The following SLC3A1 variants were observed in gnomAD, a reference collection of about 807,000 sequenced individuals.
SLC3A1 encodes the protein amino acid transporter heavy chain SLC3A1.
Under a neutral mutation model 60.3 loss-of-function variants are expected in SLC3A1, and 78 were observed. The observed-to-expected ratio is 1.29, with a 90% CI of 1.08 to 1.56. SLC3A1 has a LOEUF of 1.56. Ranked by LOEUF, SLC3A1 falls within the 40% of genes most tolerant of loss-of-function variation. SLC3A1 has a pLI of 0.00. For missense variants in SLC3A1, 1,172 were observed against 858.9 expected (o/e 1.36, Z -4.56); for synonymous variants, 392 against 307.9 (o/e 1.27, Z -2.86).
Position 44,304,321 on chromosome 2 carries a change from A to G in SLC3A1, c.1315A>G (p.Lys439Glu). ...TSWMENMPEG[K>E]WPNWMIGGPD... ...CTGGATGGAAAACATGCCAGAAGGA[A>G]AATGGCCTAACTGGATGGTAAGTCC... The change falls in exon 7 of 10, where the codon AAA becomes GAA. Residue 439 changes from lysine (K) to glutamate (E), a missense_variant. By Grantham distance (56) the Lys-to-Glu change is moderately conservative. Transcript: ENST00000260649. The G allele has an allele frequency of 6.2e-7, 1 of 1,614,020 alleles. No individual in the cohort carries two copies.
Position 44,321,441 on chromosome 2 carries a change from G to T in SLC3A1, c.*802G>T. ...CTCGTACAGGAATTTAATTTGGGCT[G>T]TAATCTAAAAGAAACACATTAAAAA... On this transcript the variant is annotated 3_prime_UTR_variant, in exon 10 of 10. Coordinates refer to ENST00000260649, the MANE Select transcript of SLC3A1 (RefSeq NM_000341.4). 1 of 1,611,816 alleles carries T rather than the reference G, an allele frequency of 6.2e-7. No homozygotes were observed. The highest frequency in any genetic ancestry group is 8.5e-7 in the Non-Finnish European group (1 of 1,178,294).
intron 4 of SLC3A1, among the ~76,000 whole-genome samples, chr2:44,288,129 G>GCGATT (rs1445119873): frequency 5.9e-5 from 9 of 151,692 alleles, no homozygotes. Context: ...CCAGGTTCAA[G>GCGATT]CGATTCTCCT....
chr2:44,299,831 AAT>A (rs1296562748), intron 4 of SLC3A1, 138 bp from the exon 5 acceptor site: 2 of 897,690 alleles, frequency 2.2e-6, no homozygotes. Context: ...AATAGATAAA[AAT>A]AGACTGTGAA....
chr2:44,315,905 C>G (rs987741221), intron 9 of SLC3A1, among the ~76,000 whole-genome samples: 1 of 152,192 alleles, frequency 6.6e-6, no homozygotes, highest in African/African-American at 2.4e-5. Context: ...AGACCTAACT[C>G]TAGCACTGTC....
In SLC3A1 at chr2:44,304,266, TGGGAA is replaced by T; in HGVS notation, c.1261_1265del (p.Gly421GlnfsTer4). 6.2e-7 allele frequency: 1 copy of T among 1,614,186 alleles called. No homozygotes were observed. The highest frequency in any genetic ancestry group is 8.5e-7 in the Non-Finnish European group (1 of 1,179,998). Reference sequence around the variant, plus strand: ...ACCTCAGCATGCTAGACACTGTTTCTGGGAACAGCGTGTATGAGGTTATCACATCC... The same window carrying T: ...ACCTCAGCATGCTAGACACTGTTTCTCAGCGTGTATGAGGTTATCACATCC... On this transcript the variant is annotated frameshift_variant, in exon 7 of 10. Coordinates refer to ENST00000260649, the MANE Select transcript of SLC3A1 (RefSeq NM_000341.4). LOFTEE classifies it high-confidence loss of function.
At chr2:44,312,804 C>T (rs768674226) in intron 8 of SLC3A1, 51 bp downstream of exon 8, 8 of 1,516,208 alleles carry the variant, frequency 5.3e-6, no homozygotes, top group African/African-American at 4.7e-5. Flanking sequence ...ACCAAGTATT[C>T]ATTTTTTATT....
chr2:44,279,729 T>A (rs1671448368), intron 1 of SLC3A1, among the ~76,000 whole-genome samples: 1 of 152,304 alleles, frequency 6.6e-6, no homozygotes, highest in East Asian at 1.9e-4. Flanking sequence ...TACATATTGT[T>A]ATTTTTTTTT....
intron 2 of SLC3A1, among the ~76,000 whole-genome samples, 191 bp downstream of exon 2, chr2:44,281,086 T>C (rs369684184): frequency 1.2e-4 from 18 of 150,418 alleles, no homozygotes; most frequent in African/African-American, 4.4e-4. Flanking sequence ...GTTTCCTTTT[T>C]TCCTTTCTCC....
chr2:44,295,481 T>A (rs1383646437), intron 4 of SLC3A1, among the ~76,000 whole-genome samples: 4 of 152,190 alleles, frequency 2.6e-5, no homozygotes, highest in Non-Finnish European at 5.9e-5. Context: ...TTTTCCCTCC[T>A]GGTTGAGAGA....
intron 4 of SLC3A1, 27 bp from the exon 5 acceptor site, chr2:44,299,944 C>G (rs372188066): frequency 3.1e-6 from 5 of 1,613,178 alleles, no homozygotes; most frequent in Non-Finnish European, 4.2e-6. Flanking sequence ...GTTAATGTAA[C>G]CAAGCATTTT....
chr2:44,309,801 G>C (rs1672249426), intron 7 of SLC3A1, among the ~76,000 whole-genome samples: 1 of 152,132 alleles, frequency 6.6e-6, no homozygotes. Flanking sequence ...GTTTTACCAT[G>C]TTGGCCAGGC....
intron 7 of SLC3A1, 62 bp from the exon 8 acceptor site, chr2:44,312,524 T>A: frequency 6.4e-7 from 1 of 1,561,834 alleles, no homozygotes; most frequent in South Asian, 1.1e-5. Context: ...TTCTGTGAAA[T>A]AGGGTAAATC....
intron 8 of SLC3A1, among the ~76,000 whole-genome samples, chr2:44,313,154 C>G (rs1211426324): frequency 6.6e-6 from 1 of 152,086 alleles, no homozygotes; most frequent in Non-Finnish European, 1.5e-5. Context: ...TTCTTTAGTT[C>G]TCATTTGTCC....
chr2:44,301,495 C>A, intron 6 of SLC3A1: 1 of 404,384 alleles, frequency 2.5e-6, no homozygotes. Context: ...AAACCCAGCA[C>A]TGTAGGAGGC....
downstream of SLC3A1, chr2:44,321,518 A>G (rs1327593037): frequency 1.3e-6 from 2 of 1,558,494 alleles, no homozygotes; most frequent in African/African-American, 2.8e-5. Context: ...GCTTCTCTTT[A>G]TCTATCCATC....
At position 44,286,163 on chromosome 2, in the gene SLC3A1, T is replaced by C; in HGVS notation, c.891+6T>C. Reference sequence around the variant, plus strand: ...ATGTTCAAGAAGAAATAAAAGTGAGTATAGATACCCACACAGACTTCTCCA... The same window carrying C: ...ATGTTCAAGAAGAAATAAAAGTGAGCATAGATACCCACACAGACTTCTCCA... On this transcript the variant is annotated splice_donor_region_variant and intron_variant, in intron 4 of 9. Coordinates refer to ENST00000260649, the MANE Select transcript of SLC3A1 (RefSeq NM_000341.4). The C allele has an allele frequency of 1.9e-6, 3 of 1,613,546 alleles. No homozygotes were observed. The highest frequency in any genetic ancestry group is 2.5e-6 in the Non-Finnish European group (3 of 1,179,622).
chr2:44,282,816 C>G (rs942653276), intron 3 of SLC3A1, among the ~76,000 whole-genome samples: 5 of 151,972 alleles, frequency 3.3e-5, no homozygotes, highest in African/African-American at 1.2e-4. Flanking sequence ...TGCCACCATG[C>G]CCAGCTAATA....
In SLC3A1 at chr2:44,320,978, A is replaced by G. The variant is rs1051669825; in HGVS notation, c.*339A>G. The G allele has an allele frequency of 1.7e-5, 7 of 400,296 alleles. No homozygotes were observed. Among genetic ancestry groups the G allele is most frequent in the South Asian group, 2.5e-5 (1 of 39,786 alleles). The allele number at this position is 400,296 out of a possible 1,614,324, so 24.8% of individuals were successfully genotyped here. A position where few individuals can be genotyped will look rare whatever the true frequency, so the allele number is the denominator to read the frequency against. Reference sequence around the variant, plus strand: ...AAAATGCAGTCATAGAAATTAGAGGATGACTCACTGCCACAGTGTCTAAAA... The same window carrying G: ...AAAATGCAGTCATAGAAATTAGAGGGTGACTCACTGCCACAGTGTCTAAAA... On this transcript the variant is annotated 3_prime_UTR_variant, in exon 10 of 10. Coordinates refer to ENST00000260649, the MANE Select transcript of SLC3A1 (RefSeq NM_000341.4).
intron 4 of SLC3A1, among the ~76,000 whole-genome samples, chr2:44,297,779 T>C (rs896073158): frequency 6.6e-6 from 1 of 152,186 alleles, no homozygotes; most frequent in Non-Finnish European, 1.5e-5. Context: ...TTTCATTTTT[T>C]GTAGAGACAG....
Sources: gnomAD v4.1 joint callset for allele counts (sites outside exome capture counted in the v4.1 genomes callset) on GRCh38, gnomAD v4.1.1 for gene constraint, MANE v1.5 for transcripts, NCBI Gene and HGNC (gene_info 2026-07-23, HGNC 2026-07-21) for gene names.